SPMIP2: variants seen among roughly 807,000 people sequenced by gnomAD.
The protein encoded by SPMIP2 is sperm microtubule inner protein 2, also known as protein SPMIP2.
At chr4:158,902,195 G>T in the SPMIP2 span, among the ~76,000 whole-genome samples, 2 of 152,080 alleles carry the variant, frequency 1.3e-5, no homozygotes, top group Non-Finnish European at 2.9e-5. Context: ...TTTTGTTGAT[G>T]TTGATGTGGC....
chr4:158,947,895 A>G, the SPMIP2 span, among the ~76,000 whole-genome samples: 1 of 152,124 alleles, frequency 6.6e-6, no homozygotes, highest in Non-Finnish European at 1.5e-5. Context: ...CATATACATA[A>G]TAGAGTGCTT....
the SPMIP2 span, among the ~76,000 whole-genome samples, chr4:159,045,717 A>T: frequency 1.1e-4 from 16 of 152,226 alleles, no homozygotes; most frequent in African/African-American, 3.9e-4. Flanking sequence ...TAAAACAACA[A>T]ATATTTACCA....
At chr4:159,024,716 C>T in the SPMIP2 span, among the ~76,000 whole-genome samples, 9 of 152,124 alleles carry the variant, frequency 5.9e-5, no homozygotes, top group African/African-American at 2.2e-4. Flanking sequence ...CCAAACTTGG[C>T]CATTCTACTA....
chr4:158,995,207 G>A, the SPMIP2 span, among the ~76,000 whole-genome samples: 237 of 152,212 alleles, frequency 1.6e-3, 2 homozygotes, highest in African/African-American at 5.4e-3. Context: ...CATGAGTCCC[G>A]TGCCTGGACT....
At chr4:159,077,974 C>T in the SPMIP2 span, among the ~76,000 whole-genome samples, 661 of 152,060 alleles carry the variant, frequency 4.3e-3, 5 homozygotes, top group Non-Finnish European at 4.4e-3. Flanking sequence ...TCAAGAGTCT[C>T]AAGTTTATAT....
the SPMIP2 span, among the ~76,000 whole-genome samples, chr4:158,999,809 C>T: frequency 1.2e-4 from 19 of 152,262 alleles, no homozygotes; most frequent in African/African-American, 4.6e-4. Flanking sequence ...TAAAGATTTA[C>T]AAATTAAATT....
At chr4:159,016,352 T>G in the SPMIP2 span, among the ~76,000 whole-genome samples, 189 of 152,304 alleles carry the variant, frequency 1.2e-3, no homozygotes, top group African/African-American at 4.0e-3. Context: ...GCTATAACCA[T>G]GAGCCAATTA....
chr4:158,959,965 T>C, the SPMIP2 span, among the ~76,000 whole-genome samples: 1 of 152,180 alleles, frequency 6.6e-6, no homozygotes, highest in Non-Finnish European at 1.5e-5. Flanking sequence ...ACAGAGATAA[T>C]TATTTATAAA....
At chr4:159,000,026 T>C in the SPMIP2 span, among the ~76,000 whole-genome samples, 1 of 149,274 alleles carries the variant, frequency 6.7e-6, no homozygotes, top group Non-Finnish European at 1.5e-5. Context: ...AATTTCTTTC[T>C]TTTTTTTTTA....
the SPMIP2 span, among the ~76,000 whole-genome samples, chr4:159,016,212 A>G: frequency 6.6e-6 from 1 of 152,368 alleles, no homozygotes; most frequent in African/African-American, 2.4e-5. Flanking sequence ...TGTAAAGCAG[A>G]TTTCCAAAAT....
At chr4:158,946,499 G>T in the SPMIP2 span, among the ~76,000 whole-genome samples, 1 of 152,112 alleles carries the variant, frequency 6.6e-6, no homozygotes, top group Non-Finnish European at 1.5e-5. Flanking sequence ...CATGAGATCT[G>T]ATGGTTTAAA....
chr4:159,073,137 A>ATTTTCT, the SPMIP2 span, among the ~76,000 whole-genome samples: 14 of 152,000 alleles, frequency 9.2e-5, no homozygotes, highest in African/African-American at 1.9e-4. Flanking sequence ...GGAAGAATAC[A>ATTTTCT]TTTTCTTTTT....
chr4:158,921,211 G>C, the SPMIP2 span, among the ~76,000 whole-genome samples: 1 of 152,164 alleles, frequency 6.6e-6, no homozygotes, highest in South Asian at 2.1e-4. Flanking sequence ...GGCCAAGACA[G>C]GCAGATCACC....
At chr4:158,979,400 G>A in the SPMIP2 span, among the ~76,000 whole-genome samples, 5 of 152,200 alleles carry the variant, frequency 3.3e-5, no homozygotes, top group African/African-American at 4.8e-5. Flanking sequence ...ACTGGGGTAC[G>A]AAAAACAAAA....
At chr4:158,904,476 A>G in the SPMIP2 span, 1 of 1,613,132 alleles carries the variant, frequency 6.2e-7, no homozygotes, top group East Asian at 2.2e-5. Context: ...GATTGAATCC[A>G]ACGACCTGCC....
chr4:158,971,742 A>G, the SPMIP2 span, among the ~76,000 whole-genome samples: 5 of 152,332 alleles, frequency 3.3e-5, no homozygotes, highest in East Asian at 5.8e-4. Flanking sequence ...TGTTTACAAC[A>G]GCCTGTTACC....
chr4:158,939,142 G>C, the SPMIP2 span, among the ~76,000 whole-genome samples: 547 of 152,292 alleles, frequency 3.6e-3, 3 homozygotes, highest in African/African-American at 0.012. Flanking sequence ...TGAGCTGATC[G>C]GTAGCAATTG....
chr4:159,026,300 A>T, the SPMIP2 span: 1 of 592,656 alleles, frequency 1.7e-6, no homozygotes, highest in South Asian at 1.5e-5. Context: ...AGCACTTAGA[A>T]AACAGCACAG....
chr4:159,003,258 A>C, the SPMIP2 span, among the ~76,000 whole-genome samples: 3 of 152,180 alleles, frequency 2.0e-5, no homozygotes, highest in Admixed American at 2.0e-4. Context: ...AGAAAAGAGA[A>C]TGGGCCATAC....
Sources: allele counts gnomAD v4.1 joint callset (sites outside exome capture counted in the v4.1 genomes callset), GRCh38; gene constraint gnomAD v4.1.1; transcripts MANE v1.5; gene names NCBI Gene and HGNC (gene_info 2026-07-23, HGNC 2026-07-21).